Variants in CCSER1 observed in about 807,000 individuals in gnomAD.
The protein encoded by CCSER1 is coiled-coil serine rich protein 1.
Under a neutral mutation model 82.0 loss-of-function variants are expected in CCSER1, and 41 were observed. The observed-to-expected ratio is 0.50, with a 90% CI of 0.39 to 0.65. CCSER1 has a LOEUF of 0.65. Ranked by LOEUF, CCSER1 falls within the 30% of genes least tolerant of loss-of-function variation. CCSER1 has a pLI of 0.00. For missense variants in CCSER1, 1,119 were observed against 1,064.2 expected (o/e 1.05, Z -0.72); for synonymous variants, 414 against 383.9 (o/e 1.08, Z -0.92).
At chr4:91,518,895 G>T (rs1358418094) in intron 10 of CCSER1, among the ~76,000 whole-genome samples, 1 of 152,196 alleles carries the variant, frequency 6.6e-6, no homozygotes, top group South Asian at 2.1e-4. Context: ...GGTGAAGAGT[G>T]GGGGTTAGGC....
intron 10 of CCSER1, among the ~76,000 whole-genome samples, chr4:91,384,757 G>T (rs996984157): frequency 6.6e-6 from 1 of 151,954 alleles, no homozygotes; most frequent in Non-Finnish European, 1.5e-5. Context: ...AAAGTGCACC[G>T]TAGGCAAAGT....
chr4:91,325,155 T>G, intron 10 of CCSER1: 1 of 456,122 alleles, frequency 2.2e-6, no homozygotes, highest in South Asian at 1.5e-5. Flanking sequence ...TTAGCAGTGG[T>G]CCTCTTTTTC....
chr4:91,061,791 A>G (rs1301162639), intron 9 of CCSER1, among the ~76,000 whole-genome samples: 1 of 152,032 alleles, frequency 6.6e-6, no homozygotes, highest in East Asian at 1.9e-4. Flanking sequence ...GGTAGGGTAG[A>G]GGCTTTGCCT....
intron 9 of CCSER1, among the ~76,000 whole-genome samples, chr4:91,011,646 C>A (rs536412021): frequency 7.4e-6 from 1 of 134,632 alleles, no homozygotes; most frequent in South Asian, 2.4e-4. Flanking sequence ...ACAACTTTGG[C>A]TCAGTTCTGG....
At position 91,364,866 on chromosome 4, in the gene CCSER1, A is replaced by T. The variant is rs182696358; in HGVS notation, c.2218-233706A>T. ...TTTCCAGCTATTACTATTAATTCTAAGTTTTTTTTCTCTGATATGTCTTCT... is the reference window on the plus strand; with the variant it reads ...TTTCCAGCTATTACTATTAATTCTATGTTTTTTTTCTCTGATATGTCTTCT... On this transcript the variant is annotated intron_variant, in intron 10 of 10. Coordinates refer to ENST00000509176, the MANE Select transcript of CCSER1 (RefSeq NM_001145065.2). Among the ~76,000 whole-genome samples, 675 of 152,062 alleles carry T rather than the reference A, an allele frequency of 4.4e-3. 3 individuals are homozygous for T. Among genetic ancestry groups the T allele is most frequent in the Middle Eastern group, 0.02 (6 of 294 alleles).
chr4:91,449,118 G>A (rs1053820034), intron 10 of CCSER1, among the ~76,000 whole-genome samples: 1 of 151,912 alleles, frequency 6.6e-6, no homozygotes, highest in Non-Finnish European at 1.5e-5. Flanking sequence ...CAAAACCCTC[G>A]AGAGGTCAGG....
chr4:91,571,602 A>G (rs894307609), intron 10 of CCSER1, among the ~76,000 whole-genome samples: 1 of 152,204 alleles, frequency 6.6e-6, no homozygotes, highest in Non-Finnish European at 1.5e-5. Context: ...ACTCACTATC[A>G]TGAGATCAGC....
At chr4:90,847,349 C>G (rs1195902719) in intron 8 of CCSER1, among the ~76,000 whole-genome samples, 4 of 152,166 alleles carry the variant, frequency 2.6e-5, no homozygotes, top group African/African-American at 9.7e-5. Flanking sequence ...GGCAGTGTCC[C>G]CTTGGTTCTG....
intron 8 of CCSER1, among the ~76,000 whole-genome samples, chr4:90,840,210 G>A (rs1762406141): frequency 6.6e-6 from 1 of 151,990 alleles, no homozygotes; most frequent in Non-Finnish European, 1.5e-5. Flanking sequence ...ATTTTAAATA[G>A]TTCTACCAAT....
intron 10 of CCSER1, among the ~76,000 whole-genome samples, chr4:91,442,277 T>C (rs1298342494): frequency 1.3e-5 from 2 of 152,046 alleles, no homozygotes; most frequent in Admixed American, 1.3e-4. Context: ...AACAGAGATA[T>C]AGATCAATGG....
chr4:91,485,306 A>T (rs1251974983), intron 10 of CCSER1, among the ~76,000 whole-genome samples: 1 of 152,188 alleles, frequency 6.6e-6, no homozygotes, highest in Non-Finnish European at 1.5e-5. Flanking sequence ...AAAAGACTCA[A>T]ATGTCGGGGA....
chr4:90,657,522 T>C (rs866012069), intron 6 of CCSER1, among the ~76,000 whole-genome samples: 1 of 152,188 alleles, frequency 6.6e-6, no homozygotes, highest in Admixed American at 6.5e-5. Flanking sequence ...TATTTTGATG[T>C]TACACCGTAT....
chr4:90,238,829 A>G (rs1746295110), intron 1 of CCSER1, among the ~76,000 whole-genome samples: 1 of 151,790 alleles, frequency 6.6e-6, no homozygotes, highest in Non-Finnish European at 1.5e-5. Flanking sequence ...TTAAAATATT[A>G]GCTTGGTGGA....
intron 10 of CCSER1, among the ~76,000 whole-genome samples, chr4:91,126,811 T>C (rs527453841): frequency 6.6e-6 from 1 of 151,946 alleles, no homozygotes; most frequent in East Asian, 1.9e-4. Context: ...TATGTAACAC[T>C]ATGTACTTAA....
At chr4:91,189,603 T>G (rs1734838353) in intron 10 of CCSER1, among the ~76,000 whole-genome samples, 1 of 152,176 alleles carries the variant, frequency 6.6e-6, no homozygotes, top group South Asian at 2.1e-4. Flanking sequence ...TGGCCCAATA[T>G]TTCTGTGAAA....
intron 10 of CCSER1, among the ~76,000 whole-genome samples, chr4:91,144,043 T>C (rs1297055350): frequency 6.6e-6 from 1 of 152,028 alleles, no homozygotes; most frequent in African/African-American, 2.4e-5. Flanking sequence ...ATAGTCTCAG[T>C]AGCTTTTGTA....
intron 9 of CCSER1, among the ~76,000 whole-genome samples, chr4:90,963,164 A>AGG (rs1490412270): frequency 9.9e-5 from 15 of 152,256 alleles, no homozygotes; most frequent in African/African-American, 3.6e-4. Context: ...ATAGTTCCCT[A>AGG]GATTAGTCTA....
intron 9 of CCSER1, among the ~76,000 whole-genome samples, chr4:90,944,677 G>C (rs1031136950): frequency 3.9e-5 from 6 of 152,118 alleles, no homozygotes; most frequent in African/African-American, 1.4e-4. Flanking sequence ...TAAATTCTAA[G>C]TTCATTTAGT....
rs145548705 is a variant in CCSER1 at position 90,594,243 on chromosome 4, T to A, written c.1725-33782T>A. 1.5e-4 allele frequency among the ~76,000 whole-genome samples: 23 copies of A among 152,206 alleles called. No homozygotes were observed. In the East Asian group the frequency reaches 4.4e-3, roughly 29 times the overall value. On this transcript the variant is annotated intron_variant, in intron 5 of 10. Coordinates refer to ENST00000509176, the MANE Select transcript of CCSER1 (RefSeq NM_001145065.2). ...ATACTATGTGGTTTAAATGAAGTAA[T>A]CATGGCTCAGACTCCCATCTCCCCA...
Sources: gnomAD v4.1 joint callset for allele counts (sites outside exome capture counted in the v4.1 genomes callset) on GRCh38, gnomAD v4.1.1 for gene constraint, MANE v1.5 for transcripts, NCBI Gene and HGNC (gene_info 2026-07-23, HGNC 2026-07-21) for gene names.